The following ATXN7L1 variants were observed in gnomAD, a reference collection of about 807,000 sequenced individuals.
ATXN7L1 encodes ataxin-7-like protein 1.
A neutral mutation model predicts 70.8 loss-of-function variants in ATXN7L1; 15 were observed. The ratio of observed to expected loss-of-function variants is 0.21; its 90% confidence interval spans 0.14 to 0.33. ATXN7L1 has a LOEUF of 0.33. ATXN7L1 is among the 10% of genes least tolerant of loss of function. ATXN7L1 has a pLI of 1.00. For missense variants in ATXN7L1, 975 were observed against 1,097.1 expected (o/e 0.89, Z 1.57); for synonymous variants, 440 against 445.1 (o/e 0.99, Z 0.14).
chr7:105,814,358 G>GTGA (rs1204510263), intron 2 of ATXN7L1, among the ~76,000 whole-genome samples: 2 of 152,032 alleles, frequency 1.3e-5, no homozygotes, highest in Non-Finnish European at 2.9e-5. Context: ...AATGATGATG[G>GTGA]TGATGATGAT....
At chr7:105,668,072 C>T (rs1416674072) in intron 3 of ATXN7L1, among the ~76,000 whole-genome samples, 2 of 151,982 alleles carry the variant, frequency 1.3e-5, no homozygotes, top group African/African-American at 2.4e-5. Context: ...GTTTATTTTG[C>T]TAAACTAAGG....
chr7:105,852,149 T>G (rs998736359), intron 2 of ATXN7L1, among the ~76,000 whole-genome samples: 1 of 152,160 alleles, frequency 6.6e-6, no homozygotes, highest in Non-Finnish European at 1.5e-5. Flanking sequence ...GGCTTGCCCC[T>G]GCCTCTCTCT....
chr7:105,695,771 T>A (rs1283640895), intron 3 of ATXN7L1, among the ~76,000 whole-genome samples: 1 of 152,222 alleles, frequency 6.6e-6, no homozygotes, highest in Non-Finnish European at 1.5e-5. Flanking sequence ...AGGTTTCCAC[T>A]GTCATGTTCC....
At chr7:105,710,494 G>A (rs190333931) in intron 3 of ATXN7L1, among the ~76,000 whole-genome samples, 16 of 139,228 alleles carry the variant, frequency 1.1e-4, no homozygotes, top group Admixed American at 4.8e-4. Context: ...TGCAAGCTCC[G>A]CCTCCCAGGT....
At position 105,638,604 on chromosome 7, in the gene ATXN7L1, A is replaced by C; in HGVS notation, c.951T>G (p.His317Gln). ...PCTRSLTCKT[H>Q]SLSHRRAVPG... Reference sequence around the variant, plus strand: ...GGACTGCCCTCCGATGGCTTAGCGAATGTGTCTAAGGAGAAGAGAAATGAA... The same window carrying C: ...GGACTGCCCTCCGATGGCTTAGCGACTGTGTCTAAGGAGAAGAGAAATGAA... The change falls in exon 7 of 12, where the codon CAT becomes CAG. Residue 317 changes from histidine (H) to glutamine (Q), a missense_variant. This residue lies in a region of ATXN7L1 where 6 missense variants were observed against 24.7 expected (regional missense o/e 0.24). Coordinates refer to ENST00000419735, the MANE Select transcript of ATXN7L1 (RefSeq NM_020725.2). 1 of 1,551,336 alleles carries C rather than the reference A, an allele frequency of 6.4e-7. No homozygotes were observed. Among genetic ancestry groups the C allele is most frequent in the Non-Finnish European group, 8.7e-7 (1 of 1,146,810 alleles).
chr7:105,730,769 C>T (rs1796445734), intron 3 of ATXN7L1, among the ~76,000 whole-genome samples: 1 of 151,770 alleles, frequency 6.6e-6, no homozygotes, highest in Admixed American at 6.6e-5. Context: ...GCTAAGGAGA[C>T]ATGACAACTA....
chr7:105,718,693 C>T (rs555144479), intron 3 of ATXN7L1, among the ~76,000 whole-genome samples: 8 of 152,334 alleles, frequency 5.3e-5, no homozygotes, highest in South Asian at 2.1e-4. Context: ...GAACCACCTT[C>T]GGCTTGGGGC....
At chr7:105,672,794 A>T (rs1803971420) in intron 3 of ATXN7L1, among the ~76,000 whole-genome samples, 1 of 152,220 alleles carries the variant, frequency 6.6e-6, no homozygotes, top group Non-Finnish European at 1.5e-5. Context: ...TAGGGAGAGG[A>T]AGAAACACTT....
chr7:105,705,234 C>A (rs1793004217), intron 3 of ATXN7L1, among the ~76,000 whole-genome samples: 1 of 151,966 alleles, frequency 6.6e-6, no homozygotes, highest in African/African-American at 2.4e-5. Flanking sequence ...CCATGTTGGC[C>A]AGGCTAGTCT....
chr7:105,835,446 T>C (rs1403294011), intron 2 of ATXN7L1, among the ~76,000 whole-genome samples: 2 of 151,698 alleles, frequency 1.3e-5, no homozygotes, highest in Non-Finnish European at 2.9e-5. Flanking sequence ...TGAGCCAGTG[T>C]CCAGCCTTAA....
intron 2 of ATXN7L1, among the ~76,000 whole-genome samples, chr7:105,830,668 A>C (rs1037816975): frequency 2.0e-5 from 3 of 152,250 alleles, no homozygotes; most frequent in African/African-American, 7.2e-5. Context: ...CTCTTAACCC[A>C]TAAATCAACA....
rs546230795 is a variant in ATXN7L1, at chr7:105,716,004, G to T, written c.356-50716C>A. The stretch of plus-strand genomic sequence containing the variant: ...CTACCCTCCAAAAAAAGCTGGGGTG[G>T]AGGCGGGGGGGATGGGAAGAGAAAA... On this transcript the variant is annotated intron_variant, in intron 3 of 11. Transcript: ENST00000419735. Among the ~76,000 whole-genome samples, 4 of 152,264 alleles carry T rather than the reference G, an allele frequency of 2.6e-5. No individual in the cohort carries two copies. The South Asian group carries it at 8.3e-4, about 32-fold the overall frequency.
chr7:105,764,103 C>T (rs1800922602), intron 3 of ATXN7L1, among the ~76,000 whole-genome samples: 1 of 152,076 alleles, frequency 6.6e-6, no homozygotes, highest in Non-Finnish European at 1.5e-5. Context: ...ATCCACCCGC[C>T]TCAGCCTTCC....
At chr7:105,774,704 A>C (rs562270038) in intron 3 of ATXN7L1, among the ~76,000 whole-genome samples, 2 of 152,228 alleles carry the variant, frequency 1.3e-5, no homozygotes, top group African/African-American at 4.8e-5. Flanking sequence ...ATTAATAATG[A>C]GTATTATTAA....
At chr7:105,645,947 C>T (rs1243694608) in intron 4 of ATXN7L1, among the ~76,000 whole-genome samples, 2 of 151,212 alleles carry the variant, frequency 1.3e-5, no homozygotes, top group Admixed American at 6.6e-5. Context: ...GCAGAGGTTG[C>T]AGTGCACTGA....
chr7:105,654,275 T>C (rs1051780252), intron 4 of ATXN7L1, among the ~76,000 whole-genome samples: 1 of 152,256 alleles, frequency 6.6e-6, no homozygotes, highest in Non-Finnish European at 1.5e-5. Context: ...TGAGAAGAGA[T>C]TGTGCAATGA....
intron 2 of ATXN7L1, among the ~76,000 whole-genome samples, chr7:105,817,772 A>T (rs186262109): frequency 6.6e-6 from 1 of 152,242 alleles, no homozygotes; most frequent in East Asian, 1.9e-4. Context: ...GAAATAAAAT[A>T]AAAAATTAGC....
At chr7:105,640,367 C>T (rs980393895) in intron 5 of ATXN7L1, among the ~76,000 whole-genome samples, 6 of 152,158 alleles carry the variant, frequency 3.9e-5, no homozygotes, top group Admixed American at 1.3e-4. Flanking sequence ...TGCGGAGAGG[C>T]CAGGCTTCCC....
At chr7:105,873,952 C>A (rs1818646487) in intron 2 of ATXN7L1, among the ~76,000 whole-genome samples, 1 of 151,906 alleles carries the variant, frequency 6.6e-6, no homozygotes. Flanking sequence ...TGGTGAAACC[C>A]CGTCTCTACT....
Sources: gnomAD v4.1 joint callset for allele counts (sites outside exome capture counted in the v4.1 genomes callset) on GRCh38, gnomAD v4.1.1 for gene constraint, gnomAD v4.1.1 regional missense constraint, MANE v1.5 for transcripts, NCBI Gene and HGNC (gene_info 2026-07-23, HGNC 2026-07-21) for gene names.